Variants in ERGIC1 observed in about 807,000 individuals in gnomAD.
ERGIC1 encodes the protein endoplasmic reticulum-golgi intermediate compartment 1, also known as endoplasmic reticulum-Golgi intermediate compartment protein 1.
ERGIC1 carries 19 observed loss-of-function variants against 38.3 expected under a neutral mutation model. That is an observed-to-expected ratio of 0.50 (90% CI 0.35 to 0.73). The LOEUF (loss-of-function observed/expected upper bound fraction) is 0.73, where lower values mean the gene tolerates loss of function less well. Among genes scored for constraint, ERGIC1 ranks in the 30% least tolerant of loss-of-function variants. ERGIC1 has a pLI of 0.01. For missense variants in ERGIC1, 294 were observed against 389.2 expected (o/e 0.76, Z 2.06); for synonymous variants, 124 against 157.6 (o/e 0.79, Z 1.60).
intron 1 of ERGIC1, among the ~76,000 whole-genome samples, chr5:172,856,918 C>T (rs940080341): frequency 1.2e-4 from 19 of 152,136 alleles, no homozygotes; most frequent in Admixed American, 3.3e-4. Context: ...GTAATTAAGC[C>T]GTGCATACAA....
At chr5:172,890,326 C>A (rs1002260474) in intron 2 of ERGIC1, among the ~76,000 whole-genome samples, 2 of 152,186 alleles carry the variant, frequency 1.3e-5, no homozygotes, top group African/African-American at 4.8e-5. Flanking sequence ...GGAACTGTCA[C>A]TGATAAGAGA....
intron 1 of ERGIC1, among the ~76,000 whole-genome samples, chr5:172,857,541 G>T (rs6867704): frequency 2.0e-5 from 3 of 151,428 alleles, no homozygotes; most frequent in African/African-American, 7.3e-5. Context: ...GTCCTTCACC[G>T]CCCTGGGACT....
At chr5:172,850,072 C>T (rs555910404) in intron 1 of ERGIC1, among the ~76,000 whole-genome samples, 4 of 152,228 alleles carry the variant, frequency 2.6e-5, no homozygotes, top group Admixed American at 6.5e-5. Context: ...TTAGTAAACA[C>T]GGAAGCTGGA....
intron 1 of ERGIC1, among the ~76,000 whole-genome samples, chr5:172,859,662 G>C (rs1761647152): frequency 6.6e-6 from 1 of 152,178 alleles, no homozygotes; most frequent in African/African-American, 2.4e-5. Flanking sequence ...GGGGCCCCTG[G>C]AGCCCTCCGT....
Position 172,902,730 on chromosome 5 carries a change from C to A in ERGIC1, c.155+5656C>A, listed in dbSNP as rs1296781167. Among the ~76,000 whole-genome samples the A allele has an allele frequency of 3.9e-5, 6 of 152,112 alleles. No individual in the cohort carries two copies. In the East Asian group the frequency reaches 9.6e-4, roughly 24 times the overall value. ...GGATTTGAAACTCAAGGCTCCGGAGCACGTGCTTGCAGAATCTCCATCCCT... is the reference window on the plus strand; with the variant it reads ...GGATTTGAAACTCAAGGCTCCGGAGAACGTGCTTGCAGAATCTCCATCCCT... On this transcript the variant is annotated intron_variant, in intron 3 of 9. Coordinates refer to ENST00000393784, the MANE Select transcript of ERGIC1 (RefSeq NM_001031711.3).
chr5:172,908,307 G>A (rs767077204), intron 3 of ERGIC1, among the ~76,000 whole-genome samples: 851 of 2,282 alleles, frequency 0.37, 220 homozygotes, highest in African/African-American at 0.46. Flanking sequence ...AGGCGGGGGC[G>A]GGGGGGGGGG....
In ERGIC1 at chr5:172,950,827, A is replaced by T; in HGVS notation, c.*11A>T. On this transcript the variant is annotated 3_prime_UTR_variant, in exon 10 of 10. Coordinates refer to ENST00000393784, the MANE Select transcript of ERGIC1 (RefSeq NM_001031711.3). ...GGCAAGATGCATTGACGCCACACCC[A>T]GCCTAATGGCCGAGGACCCTGGGCA... The T allele has an allele frequency of 6.2e-7, 1 of 1,603,516 alleles. No individual in the cohort carries two copies. The highest frequency in any genetic ancestry group is 1.3e-5 in the African/African-American group (1 of 74,854).
At chr5:172,851,827 G>C (rs1470217405) in intron 1 of ERGIC1, among the ~76,000 whole-genome samples, 1 of 152,156 alleles carries the variant, frequency 6.6e-6, no homozygotes, top group East Asian at 1.9e-4. Flanking sequence ...CCTTGGGCCA[G>C]TCACTGACTT....
At position 172,846,083 on chromosome 5, in the gene ERGIC1, C is replaced by T. The variant is rs971579795; in HGVS notation, c.20+11650C>T. Among the ~76,000 whole-genome samples the T allele has an allele frequency of 1.3e-5, 2 of 152,052 alleles. No individual in the cohort carries two copies. Among genetic ancestry groups the T allele is most frequent in the Admixed American group, 6.5e-5 (1 of 15,280 alleles). ...TGGGGAAGCATCCCCAGAGGTGAAG[C>T]GCCCTTCTCAGCACATCCCATGGGG... On this transcript the variant is annotated intron_variant, in intron 1 of 9. Coordinates refer to ENST00000393784, the MANE Select transcript of ERGIC1 (RefSeq NM_001031711.3). The surrounding 1 kb of genome is among the most constrained non-coding windows in gnomAD (Gnocchi z 4.0).
At position 172,834,582 on chromosome 5, in the gene ERGIC1, C is replaced by A. The variant is rs1179259012; in HGVS notation, c.20+149C>A. On this transcript the variant is annotated intron_variant, in intron 1 of 9. Coordinates refer to ENST00000393784, the MANE Select transcript of ERGIC1 (RefSeq NM_001031711.3). The surrounding 1 kb of genome is among the most constrained non-coding windows in gnomAD (Gnocchi z 4.1). ...AGGCCCCTAGGGACCCCAGGCGAGCCCCCCCCCTGCCGCACACGAAGCCAG... is the reference window on the plus strand; with the variant it reads ...AGGCCCCTAGGGACCCCAGGCGAGCACCCCCCCTGCCGCACACGAAGCCAG... 5.1e-5 allele frequency: 32 copies of A among 625,600 alleles called. No homozygotes were observed. Among genetic ancestry groups the A allele is most frequent in the Non-Finnish European group, 6.1e-5 (30 of 492,832 alleles). The allele number at this position is 625,600 out of a possible 1,614,324, so 38.8% of individuals were successfully genotyped here. A position where few individuals can be genotyped will look rare whatever the true frequency, so the allele number is the denominator to read the frequency against.
At chr5:172,847,165 G>A (rs955955929) in intron 1 of ERGIC1, among the ~76,000 whole-genome samples, 1 of 152,168 alleles carries the variant, frequency 6.6e-6, no homozygotes, top group African/African-American at 2.4e-5. Flanking sequence ...TTCTGGCTCT[G>A]TCCTCCTCTG....
At chr5:172,860,597 C>A (rs755021181) in intron 1 of ERGIC1, among the ~76,000 whole-genome samples, 14 of 152,140 alleles carry the variant, frequency 9.2e-5, no homozygotes, top group Non-Finnish European at 1.6e-4. Flanking sequence ...GAGCTGTGAC[C>A]GTGAAAGAAA....
intron 4 of ERGIC1, among the ~76,000 whole-genome samples, chr5:172,913,936 C>G (rs1304460029): frequency 6.6e-6 from 1 of 152,032 alleles, no homozygotes. Flanking sequence ...ACCCCATAAA[C>G]CCAAAAACTC....
chr5:172,941,213 C>A (rs1019372191), intron 9 of ERGIC1, among the ~76,000 whole-genome samples: 7 of 151,548 alleles, frequency 4.6e-5, no homozygotes, highest in Admixed American at 1.3e-4. Context: ...TGGCAGTAAG[C>A]CAAGATCGTG....
chr5:172,873,963 G>A (rs1461295954), intron 1 of ERGIC1, among the ~76,000 whole-genome samples: 2 of 152,196 alleles, frequency 1.3e-5, no homozygotes, highest in Non-Finnish European at 2.9e-5. Context: ...TTACACCTTA[G>A]GAATTCTAGC....
intron 1 of ERGIC1, among the ~76,000 whole-genome samples, chr5:172,847,002 A>G (rs1306833686): frequency 6.6e-6 from 1 of 152,210 alleles, no homozygotes; most frequent in Admixed American, 6.5e-5. Flanking sequence ...ATTCCTATAA[A>G]CAACCTGCAG....
chr5:172,920,552 C>T, intron 5 of ERGIC1: 1 of 673,238 alleles, frequency 1.5e-6, no homozygotes, highest in Non-Finnish European at 2.8e-6. Flanking sequence ...GACGTAGGTT[C>T]CTAAGTCACA....
chr5:172,896,386 T>C (rs951108446), intron 2 of ERGIC1, among the ~76,000 whole-genome samples: 4 of 152,262 alleles, frequency 2.6e-5, no homozygotes, highest in Admixed American at 2.0e-4. Flanking sequence ...CATAAAGAAT[T>C]ATTTCTTCTC....
Position 172,834,552 on chromosome 5 carries a change from T to A in ERGIC1, c.20+119T>A. The stretch of plus-strand genomic sequence containing the variant: ...AGCGGCTCCCCGCCCTGTGCATGCC[T>A]CCGCAGGCCCCTAGGGACCCCAGGC... On this transcript the variant is annotated intron_variant, in intron 1 of 9. Transcript: ENST00000393784. The surrounding 1 kb of genome is among the most constrained non-coding windows in gnomAD (Gnocchi z 4.1). 10 of 977,114 alleles carry A rather than the reference T, an allele frequency of 1.0e-5. No individual in the cohort carries two copies. Among genetic ancestry groups the A allele is most frequent in the Non-Finnish European group, 1.2e-5 (9 of 770,754 alleles). The allele number at this position is 977,114 out of a possible 1,614,324, so 60.5% of individuals were successfully genotyped here.
Sources: gnomAD v4.1 joint callset for allele counts (sites outside exome capture counted in the v4.1 genomes callset) on GRCh38, gnomAD v4.1.1 for gene constraint, Gnocchi (gnomAD v3.1) non-coding constraint, MANE v1.5 for transcripts, NCBI Gene and HGNC (gene_info 2026-07-23, HGNC 2026-07-21) for gene names.